NDUFA7: variants seen among roughly 807,000 people sequenced by gnomAD.
NDUFA7 encodes NADH dehydrogenase [ubiquinone] 1 alpha subcomplex subunit 7.
NDUFA7 carries 18 observed loss-of-function variants against 14.2 expected under a neutral mutation model. The ratio of observed to expected loss-of-function variants is 1.27; its 90% CI spans 0.88 to 1.88. The LOEUF (loss-of-function observed/expected upper bound fraction) is 1.88. Ranked by LOEUF, NDUFA7 falls within the 40% of genes most tolerant of loss-of-function variation. The probability of loss-of-function intolerance (pLI) is 0.00; values close to 1 mark genes in which losing one functional copy is unlikely to be tolerated. For missense variants in NDUFA7, 172 were observed against 147.3 expected, an observed-to-expected ratio of 1.17 and a Z score of -0.87; for synonymous variants, 75 against 62.1, an observed-to-expected ratio of 1.21 and a Z score of -0.98.
intron 2 of NDUFA7, among the ~76,000 whole-genome samples, chr19:8,318,663 CAAAAAAAAAAAAAAAAAA>C (rs35904087): frequency 4.9e-5 from 2 of 41,102 alleles, no homozygotes; most frequent in South Asian, 2.3e-3. Flanking sequence ...CCCAGTCTTA[CAAAAAAAAAAAAAAAAAA>C]AAAAAAAAAA....
chr19:8,312,369 G>A lies in NDUFA7; in HGVS notation c.252-774C>T, dbSNP rs1340450149. On this transcript the variant is annotated intron_variant, in intron 3 of 3. Transcript: ENST00000301457. Reference sequence around the variant, plus strand: ...GAAAAGGCAGAAGTGGCCTCCCTGGGAAATGCACACATCTCTGGGGGCATG... The same window carrying A: ...GAAAAGGCAGAAGTGGCCTCCCTGGAAAATGCACACATCTCTGGGGGCATG... 3.3e-5 allele frequency among the ~76,000 whole-genome samples: 5 copies of A among 152,296 alleles called. No individual in the cohort carries two copies. The East Asian group carries it at 7.7e-4, about 24-fold the overall frequency.
At chr19:8,318,286 G>C (rs934246353) in intron 2 of NDUFA7, among the ~76,000 whole-genome samples, 1 of 152,070 alleles carries the variant, frequency 6.6e-6, no homozygotes, top group Non-Finnish European at 1.5e-5. Flanking sequence ...AGGTAGCTGG[G>C]AATACAGGCG....
At chr19:8,316,389 G>T in intron 3 of NDUFA7, 107 bp downstream of exon 3, 1 of 1,471,394 alleles carries the variant, frequency 6.8e-7, no homozygotes, top group Non-Finnish European at 9.2e-7. Flanking sequence ...CGCAACTGAT[G>T]CTTACTAAGT....
At chr19:8,313,685 C>G (rs955981251) in intron 3 of NDUFA7, among the ~76,000 whole-genome samples, 1 of 152,226 alleles carries the variant, frequency 6.6e-6, no homozygotes, top group African/African-American at 2.4e-5. Context: ...CTGTAGAGCC[C>G]AGACCCCAAC....
intron 1 of NDUFA7, 70 bp downstream of exon 1, chr19:8,321,238 G>T: frequency 6.9e-7 from 1 of 1,451,128 alleles, no homozygotes; most frequent in Non-Finnish European, 9.2e-7. Context: ...GGGAGGTGAG[G>T]AGCAGGAGCG....
intron 3 of NDUFA7, among the ~76,000 whole-genome samples, chr19:8,316,206 A>T (rs965894270): frequency 6.6e-6 from 1 of 151,716 alleles, no homozygotes; most frequent in Non-Finnish European, 1.5e-5. Context: ...TGTAACACCA[A>T]TTACTGGGGA....
Position 8,316,612 on chromosome 19 carries a change from A to G in NDUFA7, c.135T>C (p.Pro45=). Reference sequence around the variant, plus strand: ...AGTAATTGTTGGAGAGCTTGTGGCTAGGACCCACAGGGAGCTTGGGAGGAG... The same window carrying G: ...AGTAATTGTTGGAGAGCTTGTGGCTGGGACCCACAGGGAGCTTGGGAGGAG... ...TQPPPKLPVG[P]SHKLSNNYYC... The change falls in exon 3 of 4, where the codon CCT becomes CCC. Residue 45 remains proline (P), a synonymous_variant. Coordinates refer to ENST00000301457, the MANE Select transcript of NDUFA7 (RefSeq NM_005001.5). 6.2e-7 allele frequency: 1 copy of G among 1,614,170 alleles called. No homozygotes were observed. Among genetic ancestry groups the G allele is most frequent in the Non-Finnish European group, 8.5e-7 (1 of 1,180,010 alleles).
chr19:8,314,165 T>C (rs983546731), intron 3 of NDUFA7, among the ~76,000 whole-genome samples: 8 of 152,076 alleles, frequency 5.3e-5, no homozygotes, highest in African/African-American at 1.9e-4. Context: ...CTACTAAAAA[T>C]ACAAAATTAG....
chr19:8,309,197 G>A (rs763922454), downstream of NDUFA7, among the ~76,000 whole-genome samples: 13 of 152,198 alleles, frequency 8.5e-5, no homozygotes, highest in Non-Finnish European at 1.6e-4. Context: ...AAAGTTGGCC[G>A]GCGCGCTGGC....
At chr19:8,310,513 A>G (rs1420638721), downstream of NDUFA7, 1 of 151,666 alleles carries the variant, frequency 6.6e-6, no homozygotes, top group African/African-American at 2.4e-5. Context: ...ACTGGTCTTC[A>G]CAATCAATGC....
In NDUFA7 at chr19:8,316,510, G is replaced by A; in HGVS notation, c.237C>T (p.Gly79=). ...GAGATCCTCACCTCTCTGCTGGCTTGCCTGACACCAGCGCCTTCTGCGACG... is the reference window on the plus strand; with the variant it reads ...GAGATCCTCACCTCTCTGCTGGCTTACCTGACACCAGCGCCTTCTGCGACG... ...IMSSQKALVS[G]KPAESSAVAA... is the part of the protein sequence containing the mutation. The change falls in exon 3 of 4, where the codon GGC becomes GGT. Residue 79 remains glycine (G), a synonymous_variant. Transcript: ENST00000301457. 6.2e-7 allele frequency: 1 copy of A among 1,613,974 alleles called. No homozygotes were observed. The highest frequency in any genetic ancestry group is 1.7e-5 in the Admixed American group (1 of 59,996).
At chr19:8,312,967 T>C (rs1249480198) in intron 3 of NDUFA7, among the ~76,000 whole-genome samples, 1 of 151,126 alleles carries the variant, frequency 6.6e-6, no homozygotes, top group East Asian at 2.0e-4. Context: ...GCCCCTAACT[T>C]TTGTATTTCA....
intron 3 of NDUFA7, among the ~76,000 whole-genome samples, chr19:8,314,909 G>A (rs1970216112): frequency 6.6e-6 from 1 of 152,124 alleles, no homozygotes; most frequent in Non-Finnish European, 1.5e-5. Context: ...ATAAGAAAGA[G>A]AAATCAGATT....
At chr19:8,310,670 C>G (rs892856384), downstream of NDUFA7, 3 of 152,184 alleles carry the variant, frequency 2.0e-5, no homozygotes, top group African/African-American at 7.2e-5. Context: ...TGTCCCACCC[C>G]TGGAGTGCCA....
At chr19:8,314,359 C>G (rs769845946) in intron 3 of NDUFA7, among the ~76,000 whole-genome samples, 2 of 151,688 alleles carry the variant, frequency 1.3e-5, no homozygotes, top group Admixed American at 6.6e-5. Context: ...ATTATATCAA[C>G]AGTAATGTCT....
chr19:8,317,182 T>C (rs148766642), intron 2 of NDUFA7, among the ~76,000 whole-genome samples: 5 of 152,304 alleles, frequency 3.3e-5, no homozygotes, highest in African/African-American at 9.6e-5. Flanking sequence ...AACTCCTCTC[T>C]GGAGCCCAGA....
chr19:8,310,275 C>T (rs910510833), downstream of NDUFA7, among the ~76,000 whole-genome samples: 4 of 151,774 alleles, frequency 2.6e-5, no homozygotes, highest in Admixed American at 6.6e-5. Flanking sequence ...ACTAAAAATA[C>T]AAAAATTAGC....
chr19:8,315,451 CG>C (rs1418755089), intron 3 of NDUFA7, among the ~76,000 whole-genome samples: 6 of 152,080 alleles, frequency 3.9e-5, no homozygotes, highest in Non-Finnish European at 8.8e-5. Flanking sequence ...GTGGGACATG[CG>C]GGCAGCAATA....
At chr19:8,318,159 G>GT (rs1378410121) in intron 2 of NDUFA7, among the ~76,000 whole-genome samples, 91 of 150,836 alleles carry the variant, frequency 6.0e-4, no homozygotes, top group Non-Finnish European at 8.4e-4. Context: ...TTTTTTGTTT[G>GT]TTTTTTTTTG....
Sources: gnomAD v4.1 joint callset for allele counts (sites outside exome capture counted in the v4.1 genomes callset) on GRCh38, gnomAD v4.1.1 for gene constraint, MANE v1.5 for transcripts, NCBI Gene and HGNC (gene_info 2026-07-23, HGNC 2026-07-21) for gene names.